CACNA2D3: variants seen among roughly 807,000 people sequenced by gnomAD.
The protein encoded by CACNA2D3 is voltage-dependent calcium channel subunit alpha-2/delta-3.
A neutral mutation model predicts 160.6 loss-of-function variants in CACNA2D3; 60 were observed. The observed-to-expected ratio is 0.37, with a 90% CI of 0.30 to 0.46. CACNA2D3 has a LOEUF of 0.46. Among genes scored for constraint, CACNA2D3 ranks in the 20% least tolerant of loss-of-function variants. The pLI is 1.00. For missense variants in CACNA2D3, 1,205 were observed against 1,365.0 expected, an observed-to-expected ratio of 0.88 and a Z score of 1.85; for synonymous variants, 558 against 492.9, an observed-to-expected ratio of 1.13 and a Z score of -1.75.
intron 34 of CACNA2D3, 121 bp downstream of exon 34, chr3:55,009,564 C>T (rs1703166267): frequency 3.3e-6 from 3 of 896,626 alleles, no homozygotes; most frequent in Middle Eastern, 2.7e-4. Flanking sequence ...GATGATTTTT[C>T]AGCTCTGTCA....
intron 13 of CACNA2D3, among the ~76,000 whole-genome samples, chr3:54,786,565 C>G (rs1486912024): frequency 6.6e-6 from 1 of 152,176 alleles, no homozygotes; most frequent in Non-Finnish European, 1.5e-5. Context: ...ATGCCCAAGT[C>G]TCTCATGTCC....
chr3:54,724,474 A>T (rs1701239150), intron 11 of CACNA2D3, among the ~76,000 whole-genome samples: 1 of 152,238 alleles, frequency 6.6e-6, no homozygotes, highest in South Asian at 2.1e-4. Context: ...CATTCTTTTC[A>T]GCGCCTCACT....
At chr3:54,728,734 A>G (rs751060483) in intron 11 of CACNA2D3, among the ~76,000 whole-genome samples, 2 of 152,194 alleles carry the variant, frequency 1.3e-5, no homozygotes, top group East Asian at 1.9e-4. Flanking sequence ...CAACTTGTTT[A>G]TTTATAATTT....
intron 11 of CACNA2D3, among the ~76,000 whole-genome samples, chr3:54,723,991 C>T (rs1024166731): frequency 1.3e-5 from 2 of 152,290 alleles, no homozygotes; most frequent in South Asian, 2.1e-4. Flanking sequence ...GATAAAGAGT[C>T]AAGACCCATC....
At chr3:54,690,084 C>G (rs1478491209) in intron 11 of CACNA2D3, among the ~76,000 whole-genome samples, 1 of 152,036 alleles carries the variant, frequency 6.6e-6, no homozygotes, top group Non-Finnish European at 1.5e-5. Flanking sequence ...CCCTAGATAT[C>G]TGCACATCCA....
chr3:54,259,640 C>T (rs1386293828), intron 2 of CACNA2D3, among the ~76,000 whole-genome samples: 1 of 152,180 alleles, frequency 6.6e-6, no homozygotes, highest in Non-Finnish European at 1.5e-5. Flanking sequence ...CTCATACCAT[C>T]ATCTCTGGAA....
At chr3:54,206,544 CAA>C (rs1353236903) in intron 2 of CACNA2D3, among the ~76,000 whole-genome samples, 1 of 152,158 alleles carries the variant, frequency 6.6e-6, no homozygotes, top group East Asian at 1.9e-4. Flanking sequence ...CTTAAAAACT[CAA>C]ACAGTGAAAC....
intron 2 of CACNA2D3, among the ~76,000 whole-genome samples, chr3:54,146,524 GTC>G (rs1315904417): frequency 2.6e-5 from 4 of 152,224 alleles, no homozygotes; most frequent in Non-Finnish European, 5.9e-5. Context: ...TTTGTGTCCA[GTC>G]TCTCACTCTT....
At chr3:54,529,164 A>G (rs1701768441) in intron 5 of CACNA2D3, among the ~76,000 whole-genome samples, 1 of 152,228 alleles carries the variant, frequency 6.6e-6, no homozygotes. Flanking sequence ...GTCACCTGCC[A>G]AGCTACCTCT....
At chr3:54,371,168 T>A (rs1698920030) in intron 3 of CACNA2D3, among the ~76,000 whole-genome samples, 2 of 152,206 alleles carry the variant, frequency 1.3e-5, no homozygotes, top group Admixed American at 1.3e-4. Context: ...TTGATGCTGC[T>A]TTGAACATTT....
At chr3:54,859,972 G>GCGCGCGCGCGCACACACACA (rs535185040) in intron 17 of CACNA2D3, among the ~76,000 whole-genome samples, 4 of 133,788 alleles carry the variant, frequency 3.0e-5, no homozygotes, top group African/African-American at 1.1e-4. Flanking sequence ...GAAAGTAGAT[G>GCGCGCGCGCGCACACACACA]CACACACACA....
At chr3:54,216,361 A>G (rs981692993) in intron 2 of CACNA2D3, among the ~76,000 whole-genome samples, 3 of 152,234 alleles carry the variant, frequency 2.0e-5, no homozygotes, top group Non-Finnish European at 4.4e-5. Flanking sequence ...ATTATCTTTA[A>G]GTATTCCAGG....
chr3:54,653,557 C>T (rs531770779), intron 11 of CACNA2D3, among the ~76,000 whole-genome samples: 4 of 152,180 alleles, frequency 2.6e-5, no homozygotes, highest in East Asian at 1.9e-4. Flanking sequence ...TGAGAGCTCA[C>T]GCAGGCCCTC....
At chr3:54,650,958 G>A (rs946116108) in intron 11 of CACNA2D3, among the ~76,000 whole-genome samples, 4 of 152,126 alleles carry the variant, frequency 2.6e-5, no homozygotes, top group Non-Finnish European at 5.9e-5. Context: ...GTATACTATC[G>A]TTATCCCCTT....
intron 9 of CACNA2D3, among the ~76,000 whole-genome samples, chr3:54,609,324 A>G (rs72868862): frequency 0.013 from 1,935 of 152,324 alleles, 46 homozygotes; most frequent in African/African-American, 0.044. Flanking sequence ...GTAAGAAAAT[A>G]TAGATCTGAG....
chr3:54,285,270 C>G (rs1702984519), intron 2 of CACNA2D3, among the ~76,000 whole-genome samples: 1 of 152,196 alleles, frequency 6.6e-6, no homozygotes, highest in Non-Finnish European at 1.5e-5. Flanking sequence ...AAACGGCACA[C>G]CAGGAGATTA....
chr3:54,770,644 C>G (rs1488387009), intron 13 of CACNA2D3, among the ~76,000 whole-genome samples: 1 of 152,134 alleles, frequency 6.6e-6, no homozygotes, highest in Admixed American at 6.6e-5. Context: ...GTGCCTGTCG[C>G]CCACAGCACC....
At chr3:54,557,034 T>A (rs1702252820) in intron 5 of CACNA2D3, among the ~76,000 whole-genome samples, 1 of 152,234 alleles carries the variant, frequency 6.6e-6, no homozygotes, top group Non-Finnish European at 1.5e-5. Flanking sequence ...TTTCTGTTTT[T>A]TCTTTTCCTA....
intron 3 of CACNA2D3, among the ~76,000 whole-genome samples, chr3:54,378,602 G>A (rs534341342): frequency 6.6e-6 from 1 of 152,336 alleles, no homozygotes; most frequent in African/African-American, 2.4e-5. Context: ...CAGAACTGAA[G>A]GGTCCTGCGG....
Sources: allele counts gnomAD v4.1 joint callset (sites outside exome capture counted in the v4.1 genomes callset), GRCh38; gene constraint gnomAD v4.1.1; transcripts MANE v1.5; gene names NCBI Gene and HGNC (gene_info 2026-07-23, HGNC 2026-07-21).